KLHL1: variants seen among roughly 807,000 people sequenced by gnomAD.
KLHL1 encodes the protein kelch like family member 1, also known as kelch-like protein 1.
In KLHL1, 47 loss-of-function variants were observed where a neutral mutation model predicts 77.7. The observed-to-expected ratio is 0.60, with a 90% CI of 0.48 to 0.77. The LOEUF (loss-of-function observed/expected upper bound fraction) is 0.77, where lower values mean the gene tolerates loss of function less well. Among genes scored for constraint, KLHL1 ranks in the 30% least tolerant of loss-of-function variants. KLHL1 has a pLI of 0.00. For synonymous variants in KLHL1, 360 were observed against 325.2 expected (o/e 1.11, Z -1.15); for missense variants, 925 against 910.8 (o/e 1.02, Z -0.20).
chr13:69,956,107 TTATATTTGATATA>T (rs1045769380), intron 3 of KLHL1, among the ~76,000 whole-genome samples: 4 of 112,614 alleles, frequency 3.6e-5, no homozygotes, highest in South Asian at 3.0e-4. Flanking sequence ...ATATATATAT[TTATATTTGATATA>T]TATATTTGAT....
chr13:69,867,404 A>G (rs74092622), intron 5 of KLHL1, among the ~76,000 whole-genome samples: 7,908 of 152,084 alleles, frequency 0.052, 673 homozygotes, highest in African/African-American at 0.18. Flanking sequence ...TGTTTCAGTT[A>G]CTGCAGCTCT....
intron 7 of KLHL1, among the ~76,000 whole-genome samples, chr13:69,780,733 C>CATATATATATATATATATAT (rs1217018845): frequency 7.1e-5 from 3 of 42,078 alleles, no homozygotes; most frequent in Admixed American, 2.8e-4. Flanking sequence ...TATATATATA[C>CATATATATATATATATATAT]ATATATATAT....
intron 6 of KLHL1, among the ~76,000 whole-genome samples, chr13:69,835,614 T>C (rs1878956736): frequency 6.6e-6 from 1 of 152,064 alleles, no homozygotes; most frequent in African/African-American, 2.4e-5. Context: ...GAGGAAGGCA[T>C]CTGCAAAATG....
chr13:69,842,890 A>G (rs993351189), intron 5 of KLHL1, among the ~76,000 whole-genome samples: 4 of 151,810 alleles, frequency 2.6e-5, no homozygotes, highest in Non-Finnish European at 4.4e-5. Context: ...TTATAGCAAC[A>G]TGTATGGAAC....
chr13:69,748,216 T>C (rs1263168262), intron 7 of KLHL1, among the ~76,000 whole-genome samples: 1 of 152,048 alleles, frequency 6.6e-6, no homozygotes, highest in Non-Finnish European at 1.5e-5. Flanking sequence ...AGGAGTCTTC[T>C]TGGGCCCAAA....
At chr13:69,800,697 C>T (rs9572291) in intron 6 of KLHL1, among the ~76,000 whole-genome samples, 54,942 of 151,814 alleles carry the variant, frequency 0.36, 10,216 homozygotes, top group African/African-American at 0.42. Flanking sequence ...TCTATAATTA[C>T]TATTAATTTA....
intron 7 of KLHL1, among the ~76,000 whole-genome samples, chr13:69,777,865 A>T (rs9564610): frequency 0.36 from 55,305 of 151,864 alleles, 10,294 homozygotes; most frequent in African/African-American, 0.43. Flanking sequence ...CTTACTTATC[A>T]TTTTATTCTG....
At chr13:69,746,002 T>A (rs1321050397) in intron 7 of KLHL1, among the ~76,000 whole-genome samples, 1 of 151,522 alleles carries the variant, frequency 6.6e-6, no homozygotes, top group African/African-American at 2.4e-5. Context: ...TCCGGAGTAA[T>A]GTTTGTTTGA....
At chr13:69,943,858 C>A (rs941428211) in intron 3 of KLHL1, among the ~76,000 whole-genome samples, 1 of 152,146 alleles carries the variant, frequency 6.6e-6, no homozygotes, top group Non-Finnish European at 1.5e-5. Context: ...TGCTTCTTAG[C>A]ATAGATCTTG....
chr13:69,756,225 G>A (rs1481789437), intron 7 of KLHL1, among the ~76,000 whole-genome samples: 1 of 152,074 alleles, frequency 6.6e-6, no homozygotes, highest in Non-Finnish European at 1.5e-5. Context: ...TGTTGAGGTT[G>A]GATAACTCTG....
At chr13:69,732,836 A>G (rs950594323) in intron 8 of KLHL1, among the ~76,000 whole-genome samples, 54 of 152,030 alleles carry the variant, frequency 3.6e-4, no homozygotes, top group African/African-American at 1.3e-3. Flanking sequence ...TTCTCAGAGC[A>G]CTGGGTCCCA....
intron 1 of KLHL1, among the ~76,000 whole-genome samples, chr13:69,987,500 G>T (rs56125019): frequency 0.16 from 23,558 of 151,548 alleles, 3,859 homozygotes; most frequent in African/African-American, 0.42. Flanking sequence ...GTAAAAACAT[G>T]TAAATAACTT....
At chr13:70,091,345 A>G (rs1367630765) in intron 1 of KLHL1, among the ~76,000 whole-genome samples, 1 of 151,366 alleles carries the variant, frequency 6.6e-6, no homozygotes, top group East Asian at 1.9e-4. Context: ...TTCTTTTTAC[A>G]ATTCTTCTTA....
At chr13:69,975,471 A>T in intron 2 of KLHL1, 149 bp downstream of exon 2, 1 of 669,372 alleles carries the variant, frequency 1.5e-6, no homozygotes, top group South Asian at 2.3e-5. Flanking sequence ...AAAAACAAGT[A>T]TAAACAAAAC....
chr13:69,759,445 A>G (rs566252630), intron 7 of KLHL1, among the ~76,000 whole-genome samples: 2 of 152,316 alleles, frequency 1.3e-5, no homozygotes, highest in East Asian at 3.9e-4. Flanking sequence ...TATATTTAAT[A>G]ATGATAATTT....
intron 6 of KLHL1, among the ~76,000 whole-genome samples, chr13:69,801,110 T>C (rs754268674): frequency 1.3e-5 from 2 of 152,126 alleles, no homozygotes; most frequent in African/African-American, 2.4e-5. Context: ...TGTAACAAAA[T>C]TGCACATATA....
intron 1 of KLHL1, among the ~76,000 whole-genome samples, chr13:70,004,906 T>A (rs1019512173): frequency 6.6e-6 from 1 of 151,434 alleles, no homozygotes; most frequent in Non-Finnish European, 1.5e-5. Flanking sequence ...TAATATTTTG[T>A]AGAAAACTAT....
At chr13:69,966,890 C>T (rs1344476638) in intron 2 of KLHL1, among the ~76,000 whole-genome samples, 2 of 152,114 alleles carry the variant, frequency 1.3e-5, no homozygotes, top group African/African-American at 4.8e-5. Context: ...TGGCTTGTTT[C>T]ACTTAAGAAA....
chr13:69,935,572 A>C (rs2138290734), intron 4 of KLHL1, among the ~76,000 whole-genome samples: 1 of 152,290 alleles, frequency 6.6e-6, no homozygotes, highest in East Asian at 1.9e-4. Flanking sequence ...CTGTAGAAGT[A>C]ACATTTGACA....
Sources: gnomAD v4.1 joint callset for allele counts (sites outside exome capture counted in the v4.1 genomes callset) on GRCh38, gnomAD v4.1.1 for gene constraint, MANE v1.5 for transcripts, NCBI Gene and HGNC (gene_info 2026-07-23, HGNC 2026-07-21) for gene names.